Variants in SMC3 observed in about 807,000 individuals in gnomAD.
SMC3 encodes the protein structural maintenance of chromosomes protein 3.
A neutral mutation model predicts 171.8 loss-of-function variants in SMC3; 20 were observed. That is an observed-to-expected ratio of 0.12 (90% CI 0.08 to 0.17). The LOEUF is 0.17. SMC3 is among the 10% of genes least tolerant of loss of function. The probability of loss-of-function intolerance (pLI) is 1.00; values close to 1 mark genes in which losing one functional copy is unlikely to be tolerated. For synonymous variants in SMC3, 464 were observed against 451.1 expected (o/e 1.03, Z -0.36); for missense variants, 543 against 1,420.4 (o/e 0.38, Z 9.93).
At chr10:110,585,646 A>G (rs934816326) in intron 13 of SMC3, among the ~76,000 whole-genome samples, 3 of 150,770 alleles carry the variant, frequency 2.0e-5, no homozygotes, top group Admixed American at 6.6e-5. Flanking sequence ...TGTTACATTT[A>G]GTTGTCATGT....
chr10:110,576,860 CAT>C (rs1304203484), intron 4 of SMC3, among the ~76,000 whole-genome samples: 2 of 151,994 alleles, frequency 1.3e-5, no homozygotes, highest in Admixed American at 6.5e-5. Context: ...AAATGTGACA[CAT>C]GTTAAATGTG....
chr10:110,596,620 ATCT>A (rs781323843), intron 19 of SMC3, 70 bp downstream of exon 19: 71 of 1,441,920 alleles, frequency 4.9e-5, no homozygotes, highest in Non-Finnish European at 6.4e-5. Flanking sequence ...GCCATATATA[ATCT>A]TTTGTTTTTT....
At chr10:110,578,054 A>G in intron 6 of SMC3, 140 bp downstream of exon 6, 1 of 658,664 alleles carries the variant, frequency 1.5e-6, no homozygotes, top group Non-Finnish European at 2.7e-6. Context: ...GATTACAGAC[A>G]TGAGCCACCA....
chr10:110,576,127 G>A (rs1383310240), intron 4 of SMC3, among the ~76,000 whole-genome samples: 1 of 152,132 alleles, frequency 6.6e-6, no homozygotes, highest in Non-Finnish European at 1.5e-5. Context: ...CTACAGTTGA[G>A]CAAAATGATC....
Position 110,590,400 on chromosome 10 carries a change from G to T in SMC3, c.1510-12G>T. 1.2e-6 allele frequency: 2 copies of T among 1,611,416 alleles called. No individual in the cohort carries two copies. Among genetic ancestry groups the T allele is most frequent in the South Asian group, 2.2e-5 (2 of 90,916 alleles). ...TATTATTTTAATATTTTTCATTTCT[G>T]ACAACTTACAGGCCATTTTAAATGG... On this transcript the variant is annotated splice_polypyrimidine_tract_variant and intron_variant, in intron 15 of 28. Transcript: ENST00000361804.
intron 6 of SMC3, among the ~76,000 whole-genome samples, 166 bp from the exon 7 acceptor site, chr10:110,578,462 A>G (rs1860988074): frequency 6.6e-6 from 1 of 152,224 alleles, no homozygotes; most frequent in Non-Finnish European, 1.5e-5. Context: ...CAACAAGTCA[A>G]CATATAGAGG....
intron 14 of SMC3, 38 bp downstream of exon 14, chr10:110,589,746 A>G: frequency 6.9e-7 from 1 of 1,442,518 alleles, no homozygotes; most frequent in Non-Finnish European, 9.7e-7. Flanking sequence ...TGTTTTCAGT[A>G]ATGTTCGTTA....
Position 110,598,301 on chromosome 10 carries a change from A to G in SMC3, c.2268+11A>G, listed in dbSNP as rs1279173253. 8.1e-6 allele frequency: 13 copies of G among 1,612,322 alleles called. No homozygotes were observed. Among genetic ancestry groups the G allele is most frequent in the South Asian group, 3.3e-5 (3 of 91,030 alleles). On this transcript the variant is annotated intron_variant, in intron 20 of 28. Coordinates refer to ENST00000361804, the MANE Select transcript of SMC3 (RefSeq NM_005445.4). The stretch of plus-strand genomic sequence containing the variant: ...ACCTTCATGCCTAAGGTTCGTAAGT[A>G]TATCTTTGGTTATAGATCGATTGTT...
At chr10:110,604,049 G>A (rs1861428532) in intron 28 of SMC3, among the ~76,000 whole-genome samples, 182 bp from the exon 29 acceptor site, 1 of 143,502 alleles carries the variant, frequency 7.0e-6, no homozygotes, top group Admixed American at 7.2e-5. Context: ...GAGCCAAGAT[G>A]GTGCCACTGC....
intron 20 of SMC3, among the ~76,000 whole-genome samples, chr10:110,598,553 T>A (rs1389421229): frequency 6.6e-6 from 1 of 152,030 alleles, no homozygotes; most frequent in African/African-American, 2.4e-5. Context: ...ACTACAGACA[T>A]ACGCCACCAC....
chr10:110,592,512 C>A (rs1248827159), intron 17 of SMC3, among the ~76,000 whole-genome samples: 1 of 152,044 alleles, frequency 6.6e-6, no homozygotes, highest in Non-Finnish European at 1.5e-5. Flanking sequence ...ATTTTAAAAA[C>A]CCTGTTCTAA....
chr10:110,582,042 C>T lies in SMC3; in HGVS notation c.667C>T (p.Leu223=). The T allele has an allele frequency of 6.8e-6, 11 of 1,613,760 alleles. No homozygotes were observed. Among genetic ancestry groups the T allele is most frequent in the Non-Finnish European group, 9.3e-6 (11 of 1,179,828 alleles). ...GAAGTGGGATAAAATGAGACGAGCCCTGGAATATACCATTTACAATCAGGA... is the reference window on the plus strand; with the variant it reads ...GAAGTGGGATAAAATGAGACGAGCCTTGGAATATACCATTTACAATCAGGA... ...YQKWDKMRRA[L]EYTIYNQELN... is the part of the protein sequence containing the mutation. The change falls in exon 9 of 29, where the codon CTG becomes TTG. Residue 223 remains leucine (L), a synonymous_variant. Transcript: ENST00000361804.
Position 110,577,829 on chromosome 10 carries a change from T to C in SMC3, c.271-6T>C, listed in dbSNP as rs756753774. 6.2e-7 allele frequency: 1 copy of C among 1,601,530 alleles called. No homozygotes were observed. Among genetic ancestry groups the C allele is most frequent in the Non-Finnish European group, 8.6e-7 (1 of 1,169,070 alleles). ...ATTAACTGTGGGCTTTTACATTTTT[T>C]CTTAGATCGATAAAGAGGAAGTTTC... On this transcript the variant is annotated splice_polypyrimidine_tract_variant and splice_region_variant and intron_variant, in intron 5 of 28. Coordinates refer to ENST00000361804, the MANE Select transcript of SMC3 (RefSeq NM_005445.4).
At chr10:110,594,101 T>TG (rs1425254686) in intron 18 of SMC3, among the ~76,000 whole-genome samples, 20 of 6,700 alleles carry the variant, frequency 3.0e-3, no homozygotes, top group African/African-American at 6.4e-3. Context: ...GTCTCTGAAA[T>TG]GTGATCATAT....
chr10:110,591,173 G>A (rs1316667419), intron 17 of SMC3, 41 bp downstream of exon 17: 2 of 1,591,144 alleles, frequency 1.3e-6, no homozygotes, highest in Non-Finnish European at 1.7e-6. Flanking sequence ...CTTTTATAAT[G>A]TTATTTTTTA....
intron 18 of SMC3, among the ~76,000 whole-genome samples, chr10:110,595,355 T>C (rs1429406646): frequency 6.6e-6 from 1 of 152,236 alleles, no homozygotes; most frequent in African/African-American, 2.4e-5. Context: ...TTCCATTTTC[T>C]GGATTTGTCT....
At chr10:110,599,419 G>A (rs922236445) in intron 20 of SMC3, among the ~76,000 whole-genome samples, 3 of 152,068 alleles carry the variant, frequency 2.0e-5, no homozygotes, top group Non-Finnish European at 4.4e-5. Context: ...TAATATGCCT[G>A]AAGATTTTTG....
At chr10:110,580,407 A>G (rs569537977) in intron 7 of SMC3, among the ~76,000 whole-genome samples, 1 of 152,350 alleles carries the variant, frequency 6.6e-6, no homozygotes, top group East Asian at 1.9e-4. Flanking sequence ...TAAGAAAAAG[A>G]TGGTGGTGTG....
chr10:110,584,340 C>G lies in SMC3; in HGVS notation c.1249C>G (p.His417Asp). 1 of 1,613,990 alleles carries G rather than the reference C, an allele frequency of 6.2e-7. No homozygotes were observed. Among genetic ancestry groups the G allele is most frequent in the Non-Finnish European group, 8.5e-7 (1 of 1,179,924 alleles). ...NDKKRQIAAI[H>D]KDLEDTEANK... is the part of the protein sequence containing the mutation. ...CAAGAAAAGACAGATTGCTGCTATA[C>G]ATAAGGATTTGGAAGACACTGAAGC... The change falls in exon 13 of 29, where the codon CAT (histidine) becomes GAT (aspartate). Residue 417 changes from histidine to aspartate, a missense_variant. Transcript: ENST00000361804.
Sources: gnomAD v4.1 joint callset for allele counts (sites outside exome capture counted in the v4.1 genomes callset) on GRCh38, gnomAD v4.1.1 for gene constraint, MANE v1.5 for transcripts, NCBI Gene and HGNC (gene_info 2026-07-23, HGNC 2026-07-21) for gene names.